The following JMJD1C variants were observed in gnomAD, a reference collection of about 807,000 sequenced individuals.
JMJD1C encodes the protein jumonji domain containing 1C.
A neutral mutation model predicts 245.3 loss-of-function variants in JMJD1C; 31 were observed. The observed-to-expected ratio is 0.13, with a 90% CI of 0.09 to 0.17. The LOEUF is 0.17. Among genes scored for constraint, JMJD1C ranks in the 10% least tolerant of loss-of-function variants. The pLI is 1.00. For synonymous variants in JMJD1C, 1,057 were observed against 1,017.4 expected, an observed-to-expected ratio of 1.04 and a Z score of -0.74; for missense variants, 2,691 against 3,000.2, an observed-to-expected ratio of 0.90 and a Z score of 2.41.
intron 1 of JMJD1C, among the ~76,000 whole-genome samples, chr10:63,445,386 A>G (rs1800457240): frequency 6.6e-6 from 1 of 152,232 alleles, no homozygotes; most frequent in South Asian, 2.1e-4. Context: ...GAACATACTT[A>G]CCAGAAAGAA....
chr10:63,194,226 G>A, intron 14 of JMJD1C, 60 bp downstream of exon 14: 1 of 991,732 alleles, frequency 1.0e-6, no homozygotes, highest in Non-Finnish European at 1.6e-6. Context: ...ACTCCTTTAA[G>A]TGTTTCCTTA....
At chr10:63,420,577 C>T (rs993631041) in intron 1 of JMJD1C, among the ~76,000 whole-genome samples, 2 of 151,084 alleles carry the variant, frequency 1.3e-5, no homozygotes, top group African/African-American at 2.4e-5. Flanking sequence ...TGGTGGCACA[C>T]GCCTTTAGTC....
At chr10:63,385,147 A>G (rs1947488275) in intron 1 of JMJD1C, among the ~76,000 whole-genome samples, 1 of 152,166 alleles carries the variant, frequency 6.6e-6, no homozygotes, top group Admixed American at 6.5e-5. Context: ...GAGCAGTCAG[A>G]ACACACATAG....
rs951366321 is a variant in JMJD1C at position 63,465,962 on chromosome 10, C to T, written c.-300G>A. The T allele has an allele frequency of 5.9e-6, 3 of 510,668 alleles. No homozygotes were observed. Among genetic ancestry groups the T allele is most frequent in the Admixed American group, 5.8e-5 (2 of 34,194 alleles). The allele number at this position is 510,668 out of a possible 1,614,324, so 31.6% of individuals were successfully genotyped here. ...CGAGGCAGCCCAGCCGCCGCCACCG[C>T]GCCGCGGCCAGTACTGCTCCGTCTC... is the stretch of plus-strand genomic sequence containing the variant. On this transcript the variant is annotated 5_prime_UTR_variant, in exon 1 of 26. Transcript: ENST00000399262.
chr10:63,312,242 G>T (rs1939325533), intron 2 of JMJD1C, among the ~76,000 whole-genome samples: 1 of 151,820 alleles, frequency 6.6e-6, no homozygotes, highest in Admixed American at 6.6e-5. Flanking sequence ...CGAGTAGCTG[G>T]GATTACAGGC....
intron 2 of JMJD1C, among the ~76,000 whole-genome samples, chr10:63,283,568 A>G (rs1416895029): frequency 6.6e-6 from 1 of 152,010 alleles, no homozygotes; most frequent in South Asian, 2.1e-4. Flanking sequence ...GGGTTTCACC[A>G]TGTTGGTCAG....
intron 2 of JMJD1C, among the ~76,000 whole-genome samples, chr10:63,281,131 C>CCT (rs1857334074): frequency 8.1e-6 from 1 of 123,004 alleles, no homozygotes; most frequent in African/African-American, 3.2e-5. Flanking sequence ...CACACCCGGC[C>CCT]TTTTTTTTTT....
chr10:63,425,765 G>C (rs759536638), intron 1 of JMJD1C, among the ~76,000 whole-genome samples: 30 of 152,130 alleles, frequency 2.0e-4, no homozygotes, highest in Admixed American at 1.6e-3. Flanking sequence ...CTGGGAAACA[G>C]AGCAACACCC....
intron 2 of JMJD1C, among the ~76,000 whole-genome samples, chr10:63,310,304 G>C (rs984586885): frequency 6.6e-6 from 1 of 152,158 alleles, no homozygotes; most frequent in African/African-American, 2.4e-5. Context: ...AGCTAATCTT[G>C]AAAACTGCCA....
intron 3 of JMJD1C, among the ~76,000 whole-genome samples, chr10:63,255,094 C>A (rs1191455788): frequency 6.6e-6 from 1 of 152,116 alleles, no homozygotes; most frequent in African/African-American, 2.4e-5. Context: ...AATCCTCCCA[C>A]CTCGGCCTCC....
Position 63,208,119 on chromosome 10 carries a change from T to C in JMJD1C, c.3550A>G (p.Arg1184Gly). The change falls in exon 10 of 26, where the codon AGG becomes GGG. Residue 1184 changes from arginine to glycine, a missense_variant. Physicochemically the swap from Arg to Gly is moderately radical, Grantham distance 125 (BLOSUM62 -2). Coordinates refer to ENST00000399262, the MANE Select transcript of JMJD1C (RefSeq NM_032776.3). ...GAAACTGTCAAATGGGTAGGACTCC[T>C]ACAATCATTTCTGAAGGTTGTTACT... ...HSVTTFRNDC[R>G]SPTHLTVSST... 6.2e-7 allele frequency: 1 copy of C among 1,614,190 alleles called. No homozygotes were observed. The highest frequency in any genetic ancestry group is 8.5e-7 in the Non-Finnish European group (1 of 1,180,010).
chr10:63,355,746 A>C (rs1392982457), intron 2 of JMJD1C, among the ~76,000 whole-genome samples: 2 of 148,784 alleles, frequency 1.3e-5, no homozygotes, highest in Non-Finnish European at 3.0e-5. Context: ...TTACTTATTA[A>C]AAAAAAAAAG....
chr10:63,508,522 T>C (rs1329855005), intron 1 of JMJD1C, among the ~76,000 whole-genome samples: 1 of 152,204 alleles, frequency 6.6e-6, no homozygotes, highest in African/African-American at 2.4e-5. Flanking sequence ...CAAAGTAACT[T>C]AGTGGGATTT....
rs1350759623 is a variant in JMJD1C, at chr10:63,454,649, T to C, written c.168+10846A>G. Among the ~76,000 whole-genome samples the C allele has an allele frequency of 3.3e-5, 5 of 152,158 alleles. No individual in the cohort carries two copies. In the East Asian group the frequency reaches 9.6e-4, roughly 29 times the overall value. ...TTTCACCATGTTGCCCAGGCTGGTC[T>C]TGAACTCCTGACCTCAAGTGATCCA... is the stretch of plus-strand genomic sequence containing the variant. On this transcript the variant is annotated intron_variant, in intron 1 of 25. Transcript: ENST00000399262.
intron 1 of JMJD1C, among the ~76,000 whole-genome samples, chr10:63,428,213 C>G (rs879590487): frequency 1.3e-5 from 2 of 152,162 alleles, no homozygotes; most frequent in South Asian, 4.1e-4. Context: ...GAAACTACAT[C>G]AATCACTTTT....
At chr10:63,323,502 A>T (rs1460686704) in intron 2 of JMJD1C, among the ~76,000 whole-genome samples, 1 of 152,206 alleles carries the variant, frequency 6.6e-6, no homozygotes, top group Admixed American at 6.5e-5. Context: ...CCTGGGTGAC[A>T]GAGCAAGACT....
intron 20 of JMJD1C, 92 bp downstream of exon 20, chr10:63,185,471 T>C: frequency 1.3e-6 from 1 of 770,906 alleles, no homozygotes; most frequent in South Asian, 1.5e-5. Flanking sequence ...AGAAAAAGCC[T>C]ACAGGTCACA....
intron 2 of JMJD1C, among the ~76,000 whole-genome samples, chr10:63,323,503 G>A (rs1223167681): frequency 6.6e-6 from 1 of 152,122 alleles, no homozygotes; most frequent in Non-Finnish European, 1.5e-5. Flanking sequence ...CTGGGTGACA[G>A]AGCAAGACTG....
intron 1 of JMJD1C, among the ~76,000 whole-genome samples, chr10:63,516,152 C>T (rs1003527225): frequency 6.7e-5 from 10 of 149,510 alleles, no homozygotes; most frequent in African/African-American, 1.7e-4. Flanking sequence ...ATAATTCCAT[C>T]GTGTTCCAAA....
Sources: gnomAD v4.1 joint callset for allele counts (sites outside exome capture counted in the v4.1 genomes callset) on GRCh38, gnomAD v4.1.1 for gene constraint, MANE v1.5 for transcripts, NCBI Gene and HGNC (gene_info 2026-07-23, HGNC 2026-07-21) for gene names.